The following ADGRB2 variants were observed in gnomAD, a reference collection of about 807,000 sequenced individuals.
The protein encoded by ADGRB2 is brain-specific angiogenesis inhibitor 2.
A neutral mutation model predicts 178.7 loss-of-function variants in ADGRB2; 47 were observed. The observed-to-expected ratio is 0.26, with a 90% CI of 0.21 to 0.34. ADGRB2 has a LOEUF of 0.34. ADGRB2 is among the 10% of genes least tolerant of loss of function. ADGRB2 has a pLI of 1.00. For missense variants in ADGRB2, 1,584 were observed against 2,180.8 expected (o/e 0.73, Z 5.45); for synonymous variants, 870 against 912.4 (o/e 0.95, Z 0.84).
Position 31,756,907 on chromosome 1 carries a change from G to A in ADGRB2, c.22-92C>T. 2 of 1,299,382 alleles carry A rather than the reference G, an allele frequency of 1.5e-6. No homozygotes were observed. Among genetic ancestry groups the A allele is most frequent in the African/African-American group, 1.5e-5 (1 of 66,652 alleles). The allele number at this position is 1,299,382 out of a possible 1,614,324, so 80.5% of individuals were successfully genotyped here. On this transcript the variant is annotated intron_variant, in intron 3 of 32. Coordinates refer to ENST00000373658, the MANE Select transcript of ADGRB2 (RefSeq NM_001364857.2). This position sits in a 1 kb window ranked among gnomAD's most constrained non-coding sequence, Gnocchi z 8.5. ...TGAGCTGCGGGAGTGGGCCTCATAA[G>A]TTAAGACCCTGGTCTTTGAAGTGTC...
At chr1:31,751,616 G>A (rs1646575574) in intron 4 of ADGRB2, among the ~76,000 whole-genome samples, 1 of 152,012 alleles carries the variant, frequency 6.6e-6, no homozygotes, top group African/African-American at 2.4e-5. Context: ...TTTTCACTGT[G>A]GTTGTTTCTT....
At chr1:31,736,873 G>A in intron 20 of ADGRB2, 150 bp from the exon 21 acceptor site, 6 of 1,238,766 alleles carry the variant, frequency 4.8e-6, no homozygotes, top group Non-Finnish European at 6.6e-6. Context: ...CCGCCTTCCT[G>A]CACCCACACA....
In ADGRB2 at chr1:31,758,004, G is replaced by A. The variant is rs937939435; in HGVS notation, c.-190-493C>T. ...GGGCTGAGGATGGGGGGAGCTGCAG[G>A]TGCCCTCCCACCCACCAGGCCAGGG... is the stretch of plus-strand genomic sequence containing the variant. On this transcript the variant is annotated intron_variant, in intron 1 of 32. Transcript: ENST00000373658. The surrounding 1 kb of genome is among the most constrained non-coding windows in gnomAD (Gnocchi z 4.2). Among the ~76,000 whole-genome samples the A allele has an allele frequency of 3.9e-5, 6 of 152,106 alleles. No homozygotes were observed. Among genetic ancestry groups the A allele is most frequent in the Non-Finnish European group, 7.4e-5 (5 of 68,012 alleles).
At chr1:31,738,531 T>C in intron 17 of ADGRB2, 56 bp downstream of exon 17, 2 of 1,568,900 alleles carry the variant, frequency 1.3e-6, no homozygotes, top group Non-Finnish European at 1.7e-6. Flanking sequence ...GACCCCTTTC[T>C]GGCAAAGGGC....
Position 31,744,275 on chromosome 1 carries a change from G to A in ADGRB2, c.1005C>T (p.Ser335=), listed in dbSNP as rs2148978970. The A allele has an allele frequency of 1.3e-6, 2 of 1,551,368 alleles. No individual in the cohort carries two copies. Among genetic ancestry groups the A allele is most frequent in the African/African-American group, 1.4e-5 (1 of 73,136 alleles). ...CGQGLQVRTR[S]CVSSPYGTLC... ...GGGTCCCATAGGGGGAGGACACACA[G>A]GAGCGGGTCCGCACCTGCAGACCCT... Residue 335 remains serine (S), a synonymous_variant, in exon 6 of 33, where the codon TCC becomes TCT. Transcript: ENST00000373658. The surrounding 1 kb of genome is among the most constrained non-coding windows in gnomAD (Gnocchi z 6.7).
Position 31,761,940 on chromosome 1 carries a change from T to C in ADGRB2, c.-191+1944A>G, listed in dbSNP as rs1357624700. On this transcript the variant is annotated intron_variant, in intron 1 of 32. Transcript: ENST00000373658. This position sits in a 1 kb window ranked among gnomAD's most constrained non-coding sequence, Gnocchi z 4.2. ...ATGAGGCAGTGATCACTGACCCATT[T>C]TATAGAGGGTCAACTGAGGCTCAGA... Among the ~76,000 whole-genome samples, 1 of 152,112 alleles carries C rather than the reference T, an allele frequency of 6.6e-6. No homozygotes were observed. Among genetic ancestry groups the C allele is most frequent in the Non-Finnish European group, 1.5e-5 (1 of 68,028 alleles).
At position 31,755,241 on chromosome 1, in the gene ADGRB2, G is replaced by T. The variant is rs1646772478; in HGVS notation, c.838+758C>A. On this transcript the variant is annotated intron_variant, in intron 4 of 32. Transcript: ENST00000373658. The surrounding 1 kb of genome is among the most constrained non-coding windows in gnomAD (Gnocchi z 5.1). The stretch of plus-strand genomic sequence containing the variant: ...CCTCAGGGCCTTGAAGCTGCAGGAA[G>T]CAGGGTCTGTAGAAGGCAGCCGTGG... Among the ~76,000 whole-genome samples, 1 of 152,252 alleles carries T rather than the reference G, an allele frequency of 6.6e-6. No homozygotes were observed. Among genetic ancestry groups the T allele is most frequent in the South Asian group, 2.1e-4 (1 of 4,830 alleles).
In ADGRB2 at chr1:31,753,435, G is replaced by C. The variant is rs1018232425; in HGVS notation, c.838+2564C>G. Among the ~76,000 whole-genome samples the C allele has an allele frequency of 6.6e-6, 1 of 152,206 alleles. No homozygotes were observed. Among genetic ancestry groups the C allele is most frequent in the African/African-American group, 2.4e-5 (1 of 41,458 alleles). On this transcript the variant is annotated intron_variant, in intron 4 of 32. Coordinates refer to ENST00000373658, the MANE Select transcript of ADGRB2 (RefSeq NM_001364857.2). The surrounding 1 kb of genome is among the most constrained non-coding windows in gnomAD (Gnocchi z 4.1). Reference sequence around the variant, plus strand: ...GCCAGTCACTGCCCACCAGCCCCCAGCCCAGTGCTCTTCCGGTACCAGCCC... The same window carrying C: ...GCCAGTCACTGCCCACCAGCCCCCACCCCAGTGCTCTTCCGGTACCAGCCC...
intron 4 of ADGRB2, among the ~76,000 whole-genome samples, chr1:31,750,542 T>A (rs1646513393): frequency 6.6e-6 from 1 of 152,156 alleles, no homozygotes; most frequent in African/African-American, 2.4e-5. Context: ...TACTATGGTA[T>A]GAATGTGTTA....
At chr1:31,737,076 G>C (rs1251307171) in intron 20 of ADGRB2, among the ~76,000 whole-genome samples, 1 of 152,196 alleles carries the variant, frequency 6.6e-6, no homozygotes, top group Non-Finnish European at 1.5e-5. Context: ...AGGGGGCATA[G>C]GGAAGAGTCT....
rs1645571704 is a variant in ADGRB2 at position 31,735,761 on chromosome 1, G to A, written c.3267+66C>T. ...GTGGGAGCTGGAGCGCAGGGAGGAG[G>A]TAGAGGGAGAAACAGGATGACCCTC... On this transcript the variant is annotated intron_variant, in intron 23 of 32. Transcript: ENST00000373658. The surrounding 1 kb of genome is among the most constrained non-coding windows in gnomAD (Gnocchi z 6.0). 1.9e-6 allele frequency: 3 copies of A among 1,584,698 alleles called. No homozygotes were observed. Among genetic ancestry groups the A allele is most frequent in the African/African-American group, 2.7e-5 (2 of 74,278 alleles).
intron 4 of ADGRB2, among the ~76,000 whole-genome samples, chr1:31,751,679 C>T (rs1646579446): frequency 2.6e-5 from 4 of 152,122 alleles, no homozygotes; most frequent in Non-Finnish European, 5.9e-5. Flanking sequence ...GGATATGAAA[C>T]TTATTTTTAA....
chr1:31,757,139 CAG>C, intron 3 of ADGRB2, 60 bp downstream of exon 3: 1 of 1,613,354 alleles, frequency 6.2e-7, no homozygotes, highest in Non-Finnish European at 8.5e-7. Context: ...TCTGTTTCCT[CAG>C]AGTCAGCCCA....
rs1557732838 is a variant in ADGRB2, at chr1:31,730,986, G to A, written c.4194C>T (p.Phe1398=). The change falls in exon 29 of 33, where the codon TTC becomes TTT. Residue 1398 remains phenylalanine (F), a synonymous_variant. Transcript: ENST00000373658. ...TVAHTEGYPS[F]LSVDHSGLGL... is the part of the protein sequence containing the mutation. Reference sequence around the variant, plus strand: ...CCAGGCCCGAGTGGTCCACGGACAGGAAGCTGGGGTAGCCTTCAGTGTGGG... The same window carrying A: ...CCAGGCCCGAGTGGTCCACGGACAGAAAGCTGGGGTAGCCTTCAGTGTGGG... 1.3e-6 allele frequency: 2 copies of A among 1,566,440 alleles called. No homozygotes were observed. The highest frequency in any genetic ancestry group is 1.7e-6 in the Non-Finnish European group (2 of 1,152,770).
At chr1:31,757,068 C>T in intron 3 of ADGRB2, 133 bp downstream of exon 3, 1 of 1,465,906 alleles carries the variant, frequency 6.8e-7, no homozygotes. Context: ...AGGGAAAGGA[C>T]TCGCGAGAGT....
At chr1:31,743,029 T>C (rs1646066015) in intron 6 of ADGRB2, 27 bp from the exon 7 acceptor site, 2 of 1,382,944 alleles carry the variant, frequency 1.4e-6, no homozygotes, top group African/African-American at 1.5e-5. Flanking sequence ...GGCCGGTGGC[T>C]GGGCGGCACC....
rs960400646 is a variant in ADGRB2 at position 31,735,398 on chromosome 1, G to T, written c.3354-117C>A. ...AGGGCAGACGAGAGAGAGAGAGCTG[G>T]GTTAGGGTGGGTGAGGGGCTGCGGC... On this transcript the variant is annotated intron_variant, in intron 24 of 32. Coordinates refer to ENST00000373658, the MANE Select transcript of ADGRB2 (RefSeq NM_001364857.2). This position sits in a 1 kb window ranked among gnomAD's most constrained non-coding sequence, Gnocchi z 6.0. The T allele has an allele frequency of 1.7e-6, 2 of 1,198,262 alleles. No homozygotes were observed. The highest frequency in any genetic ancestry group is 2.4e-6 in the Non-Finnish European group (2 of 836,716). 74.2% of individuals were successfully genotyped at this position (1,198,262 alleles called of 1,614,324 possible). A position where few individuals can be genotyped will look rare whatever the true frequency, so the allele number is the denominator to read the frequency against.
Position 31,741,569 on chromosome 1 carries a change from G to T in ADGRB2, c.1687+55C>A, listed in dbSNP as rs1269241913. The T allele has an allele frequency of 1.6e-5, 26 of 1,603,446 alleles. No individual in the cohort carries two copies. Among genetic ancestry groups the T allele is most frequent in the Non-Finnish European group, 2.0e-5 (24 of 1,172,544 alleles). ...CTCAGAGAGGCTGGGGGCGCAGAAG[G>T]GGGCAATGAGAATGGCAGGGGTGGT... On this transcript the variant is annotated intron_variant, in intron 10 of 32. Transcript: ENST00000373658. The surrounding 1 kb of genome is among the most constrained non-coding windows in gnomAD (Gnocchi z 6.5).
At chr1:31,757,094 A>G in intron 3 of ADGRB2, 107 bp downstream of exon 3, 1 of 1,570,916 alleles carries the variant, frequency 6.4e-7, no homozygotes, top group Non-Finnish European at 8.8e-7. Flanking sequence ...GAATCTTGTG[A>G]GCCCTGAAGA....
Sources: allele counts gnomAD v4.1 joint callset (sites outside exome capture counted in the v4.1 genomes callset), GRCh38; gene constraint gnomAD v4.1.1; non-coding constraint Gnocchi (gnomAD v3.1); transcripts MANE v1.5; gene names NCBI Gene and HGNC (gene_info 2026-07-23, HGNC 2026-07-21).